The following CPEB3 variants were observed in gnomAD, a reference collection of about 807,000 sequenced individuals.
CPEB3 encodes the protein cytoplasmic polyadenylation element binding protein 3, also known as cytoplasmic polyadenylation element-binding protein 3.
CPEB3 carries 20 observed loss-of-function variants against 67.2 expected under a neutral mutation model. The observed-to-expected ratio is 0.30, with a 90% CI of 0.21 to 0.43. The LOEUF (loss-of-function observed/expected upper bound fraction) is 0.43, where lower values mean the gene tolerates loss of function less well. Among genes scored for constraint, CPEB3 ranks in the 20% least tolerant of loss-of-function variants. The pLI, the probability that CPEB3 is intolerant of heterozygous loss-of-function variation, is 1.00. For synonymous variants in CPEB3, 376 were observed against 393.1 expected (o/e 0.96, Z 0.51); for missense variants, 746 against 968.6 (o/e 0.77, Z 3.05).
chr10:92,078,558 C>A (rs1044639887), intron 9 of CPEB3, among the ~76,000 whole-genome samples: 1 of 152,056 alleles, frequency 6.6e-6, no homozygotes, highest in Non-Finnish European at 1.5e-5. Context: ...CTCCAAATTC[C>A]CTACTCTTTC....
At chr10:92,280,448 T>C (rs904506356) in intron 1 of CPEB3, among the ~76,000 whole-genome samples, 1 of 147,936 alleles carries the variant, frequency 6.8e-6, no homozygotes, top group South Asian at 2.1e-4. Context: ...TGTCCAGGCA[T>C]AGCGACTCAT....
At chr10:92,099,787 C>G (rs1352143054) in intron 7 of CPEB3, among the ~76,000 whole-genome samples, 1 of 151,150 alleles carries the variant, frequency 6.6e-6, no homozygotes, top group African/African-American at 2.4e-5. Context: ...TTGCCTGAAT[C>G]TGGGAGGCAG....
rs1392891350 is a variant in CPEB3, at chr10:92,133,143, C to A, written c.1453+9886G>T. Among the ~76,000 whole-genome samples, 3 of 152,082 alleles carry A rather than the reference C, an allele frequency of 2.0e-5. No homozygotes were observed. The East Asian group carries it at 5.8e-4, about 29-fold the overall frequency. On this transcript the variant is annotated intron_variant, in intron 6 of 9. Transcript: ENST00000265997. ...AAGAGCAAACAAATTCAAAAGCTAG[C>A]AGAAGGCAAGAAATAACTAAGATCA...
intron 3 of CPEB3, among the ~76,000 whole-genome samples, chr10:92,183,300 T>A (rs1041165431): frequency 6.6e-6 from 1 of 152,164 alleles, no homozygotes; most frequent in Non-Finnish European, 1.5e-5. Context: ...TATATATAAT[T>A]GTTCTACGTG....
chr10:92,131,810 T>C (rs1204701288), intron 6 of CPEB3, among the ~76,000 whole-genome samples: 2 of 152,170 alleles, frequency 1.3e-5, no homozygotes, highest in African/African-American at 4.8e-5. Context: ...GTGTGCCACA[T>C]ATAATTCCTT....
chr10:92,074,171 C>T (rs974855280), intron 9 of CPEB3, among the ~76,000 whole-genome samples: 1 of 151,984 alleles, frequency 6.6e-6, no homozygotes, highest in Non-Finnish European at 1.5e-5. Context: ...GTCTCAAACT[C>T]CTGGCCTCAA....
intron 2 of CPEB3, among the ~76,000 whole-genome samples, chr10:92,210,334 G>C (rs1850016914): frequency 6.6e-6 from 1 of 152,136 alleles, no homozygotes; most frequent in Admixed American, 6.5e-5. Context: ...AAGCAGAAGG[G>C]ACCTCAATTC....
At position 92,120,017 on chromosome 10, in the gene CPEB3, G is replaced by C. The variant is rs985261334; in HGVS notation, c.1454-8823C>G. Among the ~76,000 whole-genome samples, 7 of 147,150 alleles carry C rather than the reference G, an allele frequency of 4.8e-5. No homozygotes were observed. In the Admixed American group the frequency reaches 4.8e-4, roughly 10 times the overall value. On this transcript the variant is annotated intron_variant, in intron 6 of 9. Transcript: ENST00000265997. ...CGCCTGTAATCCCAGCACTTTGGGA[G>C]GCTGAGGCGGGCGGATCACGAGGTC...
intron 2 of CPEB3, among the ~76,000 whole-genome samples, chr10:92,200,657 T>C (rs1279053975): frequency 6.6e-6 from 1 of 152,020 alleles, no homozygotes; most frequent in Non-Finnish European, 1.5e-5. Flanking sequence ...TTTTATCAGA[T>C]TGTGTTTTTA....
chr10:92,119,215 T>A, intron 6 of CPEB3: 1 of 1,583,146 alleles, frequency 6.3e-7, no homozygotes, highest in South Asian at 1.1e-5. Flanking sequence ...CATTCACCCA[T>A]CTTTCTGTTT....
At chr10:92,166,716 T>C (rs1847762138) in intron 4 of CPEB3, among the ~76,000 whole-genome samples, 1 of 152,188 alleles carries the variant, frequency 6.6e-6, no homozygotes, top group Non-Finnish European at 1.5e-5. Flanking sequence ...CTTAAGGCCC[T>C]TAGGATTTTT....
chr10:92,240,415 C>G lies in CPEB3; in HGVS notation c.-11-54G>C, dbSNP rs1021621301. On this transcript the variant is annotated intron_variant, in intron 1 of 9. Coordinates refer to ENST00000265997, the MANE Select transcript of CPEB3 (RefSeq NM_014912.5). ...ATTGTCAATGTGATCATGAATGTCC[C>G]TCGCTGAAGCGGGCGGGTGTTTCAC... is the stretch of plus-strand genomic sequence containing the variant. 7 of 1,391,980 alleles carry G rather than the reference C, an allele frequency of 5.0e-6. No individual in the cohort carries two copies. In the African/African-American group the frequency reaches 1.0e-4, roughly 21 times the overall value. 86.2% of individuals were successfully genotyped at this position (1,391,980 alleles called of 1,614,324 possible).
At chr10:92,286,099 CTAATTTT>C (rs1215730316) in intron 1 of CPEB3, among the ~76,000 whole-genome samples, 1 of 151,930 alleles carries the variant, frequency 6.6e-6, no homozygotes, top group Non-Finnish European at 1.5e-5. Flanking sequence ...CCATGCCCGG[CTAATTTT>C]TTGTATTTTT....
chr10:92,224,725 A>G (rs1850877154), intron 2 of CPEB3, among the ~76,000 whole-genome samples: 1 of 151,884 alleles, frequency 6.6e-6, no homozygotes. Flanking sequence ...ATGCGCCTGT[A>G]GTCCTAGCTA....
chr10:92,106,162 G>C (rs1844441195), intron 7 of CPEB3, among the ~76,000 whole-genome samples: 1 of 151,814 alleles, frequency 6.6e-6, no homozygotes, highest in South Asian at 2.1e-4. Context: ...CAAAGTGCTG[G>C]GATTACAGGC....
chr10:92,228,167 C>G (rs974375942), intron 2 of CPEB3, among the ~76,000 whole-genome samples: 1 of 152,144 alleles, frequency 6.6e-6, no homozygotes, highest in African/African-American at 2.4e-5. Context: ...AGATTACATG[C>G]GTGAGCCACT....
intron 2 of CPEB3, among the ~76,000 whole-genome samples, chr10:92,228,614 C>T (rs982538769): frequency 6.6e-6 from 1 of 152,054 alleles, no homozygotes; most frequent in African/African-American, 2.4e-5. Flanking sequence ...AAATTATTTG[C>T]CTTTTATATC....
At chr10:92,185,388 T>C (rs1848640858) in intron 3 of CPEB3, among the ~76,000 whole-genome samples, 1 of 152,066 alleles carries the variant, frequency 6.6e-6, no homozygotes, top group Admixed American at 6.6e-5. Context: ...AAGGGAGAGG[T>C]TAGAGAATAG....
chr10:92,280,871 T>G (rs1231595553), intron 1 of CPEB3, among the ~76,000 whole-genome samples: 2 of 148,376 alleles, frequency 1.3e-5, no homozygotes, highest in African/African-American at 5.0e-5. Flanking sequence ...GCAATTCTCC[T>G]GCCTCAGCCT....
Sources: allele counts gnomAD v4.1 joint callset (sites outside exome capture counted in the v4.1 genomes callset), GRCh38; gene constraint gnomAD v4.1.1; transcripts MANE v1.5; gene names NCBI Gene and HGNC (gene_info 2026-07-23, HGNC 2026-07-21).